B3GALT1: variants seen among roughly 807,000 people sequenced by gnomAD.
B3GALT1 encodes the protein UDP-Gal:betaGlcNAc beta 1,3-galactosyltransferase, polypeptide 1.
A neutral mutation model predicts 23.2 loss-of-function variants in B3GALT1; 10 were observed. The ratio of observed to expected loss-of-function variants is 0.43; its 90% CI spans 0.27 to 0.73. B3GALT1 has a LOEUF of 0.73. Ranked by LOEUF, B3GALT1 falls within the 30% of genes least tolerant of loss-of-function variation. The pLI is 0.21. For synonymous variants in B3GALT1, 156 were observed against 141.5 expected (o/e 1.10, Z -0.73); for missense variants, 299 against 405.4 (o/e 0.74, Z 2.25).
At chr2:167,644,017 AG>A (rs1293965089) in intron 2 of B3GALT1, among the ~76,000 whole-genome samples, 1 of 152,242 alleles carries the variant, frequency 6.6e-6, no homozygotes, top group Non-Finnish European at 1.5e-5. Flanking sequence ...ACAAGAGAAG[AG>A]GAGCAAAATA....
chr2:167,487,882 C>T (rs1449764145), intron 1 of B3GALT1, among the ~76,000 whole-genome samples: 2 of 152,126 alleles, frequency 1.3e-5, no homozygotes, highest in Non-Finnish European at 2.9e-5. Flanking sequence ...TTGGGAAAGC[C>T]TGCAAATCCC....
At chr2:167,845,731 C>T (rs1436038728) in intron 4 of B3GALT1, among the ~76,000 whole-genome samples, 4 of 151,094 alleles carry the variant, frequency 2.6e-5, no homozygotes, top group Non-Finnish European at 5.9e-5. Context: ...AACAAAATCA[C>T]ACTTGTTCAC....
At chr2:167,715,626 A>G in intron 3 of B3GALT1, 3 of 1,613,926 alleles carry the variant, frequency 1.9e-6, no homozygotes, top group East Asian at 2.2e-5. Context: ...ATTTCTAGAC[A>G]GAGGATTTCA....
rs148679498 is a variant in B3GALT1, at chr2:167,673,124, T to C, written c.-352+26158T>C. ...AAAATGTGATTCCTATGATAAGGCA[T>C]GGGAGAACGTTATAGAGCATCAAGG... On this transcript the variant is annotated intron_variant, in intron 3 of 4. Coordinates refer to ENST00000392690, the MANE Select transcript of B3GALT1 (RefSeq NM_020981.4). Among the ~76,000 whole-genome samples the C allele has an allele frequency of 1.8e-3, 270 of 152,150 alleles. 2 individuals carry two copies. The highest frequency in any genetic ancestry group is 6.1e-3 in the African/African-American group (255 of 41,528).
intron 1 of B3GALT1, among the ~76,000 whole-genome samples, chr2:167,466,420 C>T (rs1447807381): frequency 6.6e-6 from 1 of 151,698 alleles, no homozygotes; most frequent in Non-Finnish European, 1.5e-5. Flanking sequence ...GAGTTCAAGA[C>T]CAGCCTGGTC....
intron 2 of B3GALT1, among the ~76,000 whole-genome samples, chr2:167,495,498 T>C (rs1019497761): frequency 6.6e-6 from 1 of 151,750 alleles, no homozygotes; most frequent in Admixed American, 6.6e-5. Flanking sequence ...CACGCCAGGG[T>C]AATTTTGTAT....
intron 2 of B3GALT1, among the ~76,000 whole-genome samples, chr2:167,552,580 T>C (rs890270828): frequency 6.6e-6 from 1 of 151,822 alleles, no homozygotes; most frequent in East Asian, 1.9e-4. Context: ...GTATATGTTA[T>C]TGTTATTGTT....
chr2:167,332,416 A>G (rs1183404148), intron 1 of B3GALT1, among the ~76,000 whole-genome samples: 4 of 152,270 alleles, frequency 2.6e-5, no homozygotes, highest in African/African-American at 4.8e-5. Context: ...TAATAGTGGC[A>G]GTTAAACAGT....
chr2:167,564,540 G>A (rs924827865), intron 2 of B3GALT1, among the ~76,000 whole-genome samples: 30 of 152,298 alleles, frequency 2.0e-4, no homozygotes, highest in African/African-American at 7.2e-4. Flanking sequence ...GCAGCGAGCC[G>A]AGACCACGCC....
At chr2:167,730,142 A>G (rs367901082) in intron 3 of B3GALT1, among the ~76,000 whole-genome samples, 2 of 152,188 alleles carry the variant, frequency 1.3e-5, no homozygotes, top group South Asian at 4.2e-4. Flanking sequence ...GGTCCAATCT[A>G]TTTTCTGGCT....
At chr2:167,747,963 A>C (rs1034688459) in intron 3 of B3GALT1, among the ~76,000 whole-genome samples, 3 of 152,194 alleles carry the variant, frequency 2.0e-5, no homozygotes, top group African/African-American at 7.2e-5. Context: ...ATGTCTGCAT[A>C]TGCTCCCTTT....
chr2:167,437,894 A>G (rs146649289), intron 1 of B3GALT1, among the ~76,000 whole-genome samples: 241 of 152,336 alleles, frequency 1.6e-3, no homozygotes, highest in Non-Finnish European at 2.9e-3. Flanking sequence ...TATCTGATCT[A>G]TAATGGCCAC....
intron 1 of B3GALT1, among the ~76,000 whole-genome samples, chr2:167,355,413 C>T (rs529222944): frequency 3.9e-5 from 6 of 152,304 alleles, no homozygotes; most frequent in Non-Finnish European, 8.8e-5. Context: ...TCTGGGTGAT[C>T]CCAACTTATA....
intron 2 of B3GALT1, among the ~76,000 whole-genome samples, chr2:167,573,372 C>T (rs1470533016): frequency 2.0e-5 from 3 of 151,730 alleles, no homozygotes; most frequent in Non-Finnish European, 4.4e-5. Flanking sequence ...CTGTTTGACA[C>T]CAGAGATGAC....
At chr2:167,809,440 G>C (rs1688831661) in intron 3 of B3GALT1, among the ~76,000 whole-genome samples, 1 of 152,136 alleles carries the variant, frequency 6.6e-6, no homozygotes, top group Admixed American at 6.5e-5. Flanking sequence ...CTTTGATGAT[G>C]GTGACGTACA....
intron 3 of B3GALT1, among the ~76,000 whole-genome samples, chr2:167,768,576 A>G (rs1336335533): frequency 6.6e-6 from 1 of 152,240 alleles, no homozygotes; most frequent in African/African-American, 2.4e-5. Flanking sequence ...GATGACAGGA[A>G]CATATTTATT....
At chr2:167,646,879 A>T (rs989110771) in intron 2 of B3GALT1, among the ~76,000 whole-genome samples, 30 bp from the exon 3 acceptor site, 4 of 152,158 alleles carry the variant, frequency 2.6e-5, no homozygotes, top group African/African-American at 9.7e-5. Context: ...ATTTTAATCT[A>T]AATGTATTTT....
rs1382199797 is a variant in B3GALT1, at chr2:167,714,698, T to C, written c.-352+67732T>C. On this transcript the variant is annotated intron_variant, in intron 3 of 4. Coordinates refer to ENST00000392690, the MANE Select transcript of B3GALT1 (RefSeq NM_020981.4). ...CCAATTATTATGTCCTTTTTTCTCG[T>C]AGGAAATAACCTGCTTTTGATAAAA... 3 of 1,613,806 alleles carry C rather than the reference T, an allele frequency of 1.9e-6. No individual in the cohort carries two copies. The African/African-American group carries it at 4.0e-5, about 22-fold the overall frequency.
chr2:167,582,795 G>C (rs1684512158), intron 2 of B3GALT1, among the ~76,000 whole-genome samples: 1 of 152,106 alleles, frequency 6.6e-6, no homozygotes. Flanking sequence ...GGATCTAGAG[G>C]CTGATGTAAT....
Sources: gnomAD v4.1 joint callset for allele counts (sites outside exome capture counted in the v4.1 genomes callset) on GRCh38, gnomAD v4.1.1 for gene constraint, MANE v1.5 for transcripts, NCBI Gene and HGNC (gene_info 2026-07-23, HGNC 2026-07-21) for gene names.